Variants in RNF213 observed in about 807,000 individuals in gnomAD.
RNF213 encodes the protein ring finger protein 213.
RNF213 carries 341 observed loss-of-function variants against 514.4 expected under a neutral mutation model. That is an observed-to-expected ratio of 0.66 (90% confidence interval 0.61 to 0.73). RNF213 has a LOEUF of 0.73. Among genes scored for constraint, RNF213 ranks in the 30% least tolerant of loss-of-function variants. RNF213 has a pLI of 0.00. For missense variants in RNF213, 5,767 were observed against 6,615.6 expected (o/e 0.87, Z 4.45); for synonymous variants, 2,655 against 2,658.2 (o/e 1.00, Z 0.04).
In RNF213 at chr17:80,347,813, C is replaced by T. The variant is rs1410178791; in HGVS notation, c.9478C>T (p.His3160Tyr). 2 of 1,614,050 alleles carry T rather than the reference C, an allele frequency of 1.2e-6. No individual in the cohort carries two copies. Among genetic ancestry groups the T allele is most frequent in the African/African-American group, 1.3e-5 (1 of 74,916 alleles). ...TGAAGAGAAAGACGTCGTGTACAAA[C>T]ACTTTCCCATCCCCCTCATTAACCG... ...VIEEKDVVYK[H>Y]FPIPLINRLE... The change falls in exon 29 of 68, where the codon CAC becomes TAC. Residue 3160 changes from histidine to tyrosine, a missense_variant. Around this residue, in one of 13 missense-constraint regions of RNF213, gnomAD observed 919 missense variants for 1,121.0 expected, o/e 0.82. Coordinates refer to ENST00000582970, the MANE Select transcript of RNF213 (RefSeq NM_001256071.3). The surrounding 1 kb of genome is among the most constrained non-coding windows in gnomAD (Gnocchi z 7.2).
chr17:80,353,830 T>C lies in RNF213; in HGVS notation c.10578+164T>C. ...CAGTGACGGTCTTGTTGCTGGTTAC[T>C]GGGGGTCAAGGGCATCTGCACCGGC... On this transcript the variant is annotated intron_variant, in intron 34 of 67. Transcript: ENST00000582970. This position sits in a 1 kb window ranked among gnomAD's most constrained non-coding sequence, Gnocchi z 5.0. 1.6e-6 allele frequency: 2 copies of C among 1,227,240 alleles called. No homozygotes were observed. Among genetic ancestry groups the C allele is most frequent in the Non-Finnish European group, 1.2e-6 (1 of 852,200 alleles). The allele number at this position is 1,227,240 out of a possible 1,614,324, so 76.0% of individuals were successfully genotyped here. A position where few individuals can be genotyped will look rare whatever the true frequency, so the allele number is the denominator to read the frequency against.
intron 11 of RNF213, among the ~76,000 whole-genome samples, chr17:80,299,580 A>G (rs571226690): frequency 6.6e-6 from 1 of 151,476 alleles, no homozygotes; most frequent in South Asian, 2.1e-4. Context: ...TTAACTTCTA[A>G]GTTCAGGAGT....
In RNF213 at chr17:80,290,640, C is replaced by T. The variant is rs914788549; in HGVS notation, c.1183C>T (p.Pro395Ser). The T allele has an allele frequency of 6.2e-7, 1 of 1,614,164 alleles. No homozygotes were observed. Among genetic ancestry groups the T allele is most frequent in the Non-Finnish European group, 8.5e-7 (1 of 1,180,030 alleles). ...CATCTCTCTTCATTTCCCATTCAAT[C>T]CTGACCTCCATAAAGTCTTCATCAG... ...AIISLHFPFN[P>S]DLHKVFIRGG... The change falls in exon 7 of 68, where the codon CCT (proline) becomes TCT (serine). Residue 395 changes from proline (P) to serine (S), a missense_variant. Physicochemically the swap from Pro to Ser is moderately conservative, Grantham distance 74 (BLOSUM62 -1). Around this residue, in one of 13 missense-constraint regions of RNF213, gnomAD observed 509 missense variants for 496.7 expected, o/e 1.02. Coordinates refer to ENST00000582970, the MANE Select transcript of RNF213 (RefSeq NM_001256071.3).
At chr17:80,334,355 A>G (rs1279338394) in intron 22 of RNF213, 85 bp downstream of exon 22, 6 of 1,405,202 alleles carry the variant, frequency 4.3e-6, no homozygotes, top group African/African-American at 1.4e-5. Context: ...CTCTTTGGCA[A>G]TACCTCCCCT....
At chr17:80,385,244 C>A in intron 60 of RNF213, 73 bp downstream of exon 60, 1 of 1,581,496 alleles carries the variant, frequency 6.3e-7, no homozygotes. Flanking sequence ...CATAGGGGAA[C>A]AGGGTGGGGC....
chr17:80,344,002 G>A lies in RNF213; in HGVS notation c.6329G>A (p.Ser2110Asn). ...LERRTSVPSRSSSALRTRVPQ... is the reference protein window; with the variant it reads ...LERRTSVPSRNSSALRTRVPQ... ...AGGAGGACGTCAGTGCCGTCGAGGA[G>A]CTCTTCAGCGCTGGTCTGTACTGTG... Residue 2110 changes from serine to asparagine, a missense_variant, in exon 28 of 68, where the codon AGC becomes AAC. Ser to Asn is a conservative substitution (Grantham distance 46, BLOSUM62 1). Coordinates refer to ENST00000582970, the MANE Select transcript of RNF213 (RefSeq NM_001256071.3). 1 of 1,614,176 alleles carries A rather than the reference G, an allele frequency of 6.2e-7. No homozygotes were observed. The highest frequency in any genetic ancestry group is 8.5e-7 in the Non-Finnish European group (1 of 1,180,022).
chr17:80,340,617 T>G (rs1158018205), intron 26 of RNF213: 6 of 396,494 alleles, frequency 1.5e-5, no homozygotes, highest in African/African-American at 2.5e-5. Context: ...TGGTTTTTTT[T>G]TTTTTTTTTT....
At chr17:80,306,586 C>T (rs2045366504) in intron 12 of RNF213, 118 bp downstream of exon 12, 2 of 1,042,900 alleles carry the variant, frequency 1.9e-6, no homozygotes, top group South Asian at 1.4e-5. Context: ...GGTGCGGTGG[C>T]TCACGCCTGA....
intron 8 of RNF213, among the ~76,000 whole-genome samples, chr17:80,292,746 G>A (rs2044778271): frequency 2.0e-5 from 3 of 151,878 alleles, no homozygotes; most frequent in Admixed American, 2.0e-4. Context: ...TTGATCACCT[G>A]GACTCCCAGT....
intron 67 of RNF213, among the ~76,000 whole-genome samples, chr17:80,391,797 G>C (rs1362142230): frequency 2.6e-5 from 3 of 115,258 alleles, no homozygotes; most frequent in Admixed American, 1.1e-4. Context: ...TTGAGATGGA[G>C]TCTTGCTGTG....
At chr17:80,378,569 G>A (rs939203976) in intron 54 of RNF213, among the ~76,000 whole-genome samples, 2 of 152,030 alleles carry the variant, frequency 1.3e-5, no homozygotes, top group Admixed American at 6.6e-5. Context: ...CGATCCTCCC[G>A]CCTCGGCCTC....
chr17:80,375,465 G>A (rs1205575184), intron 50 of RNF213, among the ~76,000 whole-genome samples: 1 of 152,022 alleles, frequency 6.6e-6, no homozygotes, highest in Non-Finnish European at 1.5e-5. Flanking sequence ...ACTTTGGGAG[G>A]CCGAGGCATG....
intron 67 of RNF213, among the ~76,000 whole-genome samples, chr17:80,391,286 T>C (rs1332640412): frequency 6.6e-6 from 1 of 152,188 alleles, no homozygotes; most frequent in Non-Finnish European, 1.5e-5. Flanking sequence ...TATGTTTTAT[T>C]TTTTGAGACC....
chr17:80,295,044 A>C (rs2044884063), intron 9 of RNF213, 41 bp downstream of exon 9: 1 of 1,612,028 alleles, frequency 6.2e-7, no homozygotes, highest in Admixed American at 1.7e-5. Flanking sequence ...GCTGGGCAGG[A>C]GCCACACCTG....
At chr17:80,338,704 T>G (rs575361166) in intron 25 of RNF213, among the ~76,000 whole-genome samples, 1 of 151,840 alleles carries the variant, frequency 6.6e-6, no homozygotes, top group African/African-American at 2.4e-5. Flanking sequence ...TGGTTCACAC[T>G]TTGGGAGGCC....
intron 49 of RNF213, 71 bp from the exon 50 acceptor site, chr17:80,374,387 G>A: frequency 1.9e-6 from 3 of 1,598,886 alleles, no homozygotes; most frequent in East Asian, 2.2e-5. Context: ...CCTGGTTCCT[G>A]TACCCGTTCA....
At chr17:80,391,738 TA>T (rs1438766980) in intron 67 of RNF213, among the ~76,000 whole-genome samples, 3 of 151,010 alleles carry the variant, frequency 2.0e-5, no homozygotes, top group African/African-American at 7.3e-5. Context: ...GGATCTTCCT[TA>T]TCCCAGGATT....
intron 37 of RNF213, among the ~76,000 whole-genome samples, chr17:80,359,659 T>C (rs185189079): frequency 6.6e-6 from 1 of 151,682 alleles, no homozygotes; most frequent in East Asian, 1.9e-4. Context: ...GAAATGGAAT[T>C]TGAATTGCCA....
chr17:80,317,331 C>G lies in RNF213; in HGVS notation c.2901+54C>G. The G allele has an allele frequency of 6.5e-7, 1 of 1,527,720 alleles. No individual in the cohort carries two copies. The highest frequency in any genetic ancestry group is 9.0e-7 in the Non-Finnish European group (1 of 1,112,052). 94.6% of individuals were successfully genotyped at this position (1,527,720 alleles called of 1,614,324 possible). A position where few individuals can be genotyped will look rare whatever the true frequency, so the allele number is the denominator to read the frequency against. On this transcript the variant is annotated intron_variant, in intron 16 of 67. Coordinates refer to ENST00000582970, the MANE Select transcript of RNF213 (RefSeq NM_001256071.3). The surrounding 1 kb of genome is among the most constrained non-coding windows in gnomAD (Gnocchi z 4.1). ...AGGGCGTGAAGGCAAGCTGGAGAAC[C>G]CCAGACCATTAGCGACAGCCAAGAG...
Sources: allele counts gnomAD v4.1 joint callset (sites outside exome capture counted in the v4.1 genomes callset), GRCh38; gene constraint gnomAD v4.1.1; regional missense constraint gnomAD v4.1.1; non-coding constraint Gnocchi (gnomAD v3.1); transcripts MANE v1.5; gene names NCBI Gene and HGNC (gene_info 2026-07-23, HGNC 2026-07-21).